KCNIP4: variants seen among roughly 807,000 people sequenced by gnomAD.
KCNIP4 encodes Kv channel-interacting protein 4.
Under a neutral mutation model 34.0 loss-of-function variants are expected in KCNIP4, and 12 were observed. That is an observed-to-expected ratio of 0.35 (90% CI 0.23 to 0.57). KCNIP4 has a LOEUF of 0.57. Among genes scored for constraint, KCNIP4 ranks in the 20% least tolerant of loss-of-function variants. The pLI is 0.83. For synonymous variants in KCNIP4, 124 were observed against 102.2 expected (o/e 1.21, Z -1.29); for missense variants, 238 against 311.7 (o/e 0.76, Z 1.78).
At chr4:20,998,349 G>A (rs1336926350) in intron 1 of KCNIP4, among the ~76,000 whole-genome samples, 1 of 152,198 alleles carries the variant, frequency 6.6e-6, no homozygotes, top group Non-Finnish European at 1.5e-5. Context: ...TTAGGCAAGT[G>A]TGTGTACAGG....
chr4:21,214,710 A>G (rs946081969), intron 1 of KCNIP4, among the ~76,000 whole-genome samples: 1 of 152,206 alleles, frequency 6.6e-6, no homozygotes, highest in African/African-American at 2.4e-5. Flanking sequence ...AGAGGTATAT[A>G]TGAAATTTAT....
chr4:21,417,394 A>G, intron 1 of KCNIP4, among the ~76,000 whole-genome samples: 1 of 151,896 alleles, frequency 6.6e-6, no homozygotes, highest in Middle Eastern at 3.2e-3. Flanking sequence ...AAAAAAAATA[A>G]AATAAAAAAT....
At chr4:21,070,905 G>A (rs147726163) in intron 1 of KCNIP4, among the ~76,000 whole-genome samples, 1 of 151,746 alleles carries the variant, frequency 6.6e-6, no homozygotes, top group Non-Finnish European at 1.5e-5. Flanking sequence ...TTGATCTCCT[G>A]ACCTCGTGAT....
chr4:21,487,092 T>C (rs1055073405), intron 1 of KCNIP4, among the ~76,000 whole-genome samples: 14 of 152,224 alleles, frequency 9.2e-5, no homozygotes, highest in African/African-American at 3.4e-4. Context: ...TGAGCCTCTG[T>C]GTCCAGCCCC....
At chr4:21,944,387 T>C (rs1410495873) in intron 1 of KCNIP4, among the ~76,000 whole-genome samples, 1 of 150,166 alleles carries the variant, frequency 6.7e-6, no homozygotes, top group Non-Finnish European at 1.5e-5. Flanking sequence ...CTACTAAAAA[T>C]ACAAAAAGAA....
At chr4:21,368,887 A>C (rs1720062552) in intron 1 of KCNIP4, among the ~76,000 whole-genome samples, 2 of 147,500 alleles carry the variant, frequency 1.4e-5, no homozygotes, top group South Asian at 2.1e-4. Flanking sequence ...ATAACAGGGC[A>C]AAATTTGGAA....
chr4:21,687,091 T>G lies in KCNIP4; in HGVS notation c.61+261480A>C, dbSNP rs532505564. The stretch of plus-strand genomic sequence containing the variant: ...AGAACAAAAAACCAAACACCGCATA[T>G]TCTCACTCATAGGTGGGAATTGAAC... On this transcript the variant is annotated intron_variant, in intron 1 of 8. Coordinates refer to ENST00000382152, the MANE Select transcript of KCNIP4 (RefSeq NM_025221.6). 2.1e-3 allele frequency among the ~76,000 whole-genome samples: 293 copies of G among 138,956 alleles called. 1 individual carries two copies. Among genetic ancestry groups the G allele is most frequent in the African/African-American group, 6.4e-3 (237 of 37,090 alleles). The allele number at this position is 138,956 out of a possible 152,430, so 91.2% of individuals were successfully genotyped here. A position where few individuals can be genotyped will look rare whatever the true frequency, so the allele number is the denominator to read the frequency against.
At chr4:21,264,720 T>C (rs1761687199) in intron 1 of KCNIP4, among the ~76,000 whole-genome samples, 1 of 152,072 alleles carries the variant, frequency 6.6e-6, no homozygotes, top group Non-Finnish European at 1.5e-5. Flanking sequence ...AAATGAAAGA[T>C]ATTATGGGGA....
chr4:21,085,975 G>A (rs890308686), intron 1 of KCNIP4, among the ~76,000 whole-genome samples: 2 of 152,288 alleles, frequency 1.3e-5, no homozygotes, highest in East Asian at 3.9e-4. Flanking sequence ...CTCCAGGCCA[G>A]GAGGCTGAAT....
intron 1 of KCNIP4, chr4:21,697,522 G>A: frequency 6.8e-7 from 1 of 1,468,284 alleles, no homozygotes; most frequent in Non-Finnish European, 8.9e-7. Flanking sequence ...GAGTCTCTGA[G>A]GAGAAACTTC....
intron 1 of KCNIP4, among the ~76,000 whole-genome samples, chr4:21,814,788 A>G (rs1309293164): frequency 6.6e-6 from 1 of 152,154 alleles, no homozygotes; most frequent in Non-Finnish European, 1.5e-5. Context: ...AGGGCAGGTA[A>G]TGTTTCCCCC....
chr4:21,224,277 T>C (rs1231013661), intron 1 of KCNIP4, among the ~76,000 whole-genome samples: 1 of 152,102 alleles, frequency 6.6e-6, no homozygotes, highest in African/African-American at 2.4e-5. Context: ...ATTCTGTGTC[T>C]GGTGAGGGCC....
At chr4:21,090,278 C>A (rs1267947979) in intron 1 of KCNIP4, among the ~76,000 whole-genome samples, 1 of 152,150 alleles carries the variant, frequency 6.6e-6, no homozygotes, top group East Asian at 1.9e-4. Context: ...CATGATGTGC[C>A]AGTGCCATAT....
At chr4:21,109,682 C>T (rs1161417489) in intron 1 of KCNIP4, among the ~76,000 whole-genome samples, 2 of 152,276 alleles carry the variant, frequency 1.3e-5, no homozygotes, top group South Asian at 2.1e-4. Flanking sequence ...AGAAATCACC[C>T]GTCTTCTGCA....
rs143071683 is a variant in KCNIP4 at position 20,740,775 on chromosome 4, C to T, written c.430-6040G>A. ...AAACGCACCAATTAAAAGACACAAA[C>T]TGGCAAATAGGATTGTCAAGATCCA... is the stretch of plus-strand genomic sequence containing the variant. On this transcript the variant is annotated intron_variant, in intron 5 of 8. Transcript: ENST00000382152. Among the ~76,000 whole-genome samples, 319 of 152,286 alleles carry T rather than the reference C, an allele frequency of 2.1e-3. 1 individual carries two copies. The highest frequency in any genetic ancestry group is 3.4e-3 in the Middle Eastern group (1 of 294).
chr4:21,648,747 G>A (rs892702373), intron 1 of KCNIP4, among the ~76,000 whole-genome samples: 1 of 152,016 alleles, frequency 6.6e-6, no homozygotes, highest in Middle Eastern at 3.2e-3. Flanking sequence ...ACTCTGAAGT[G>A]GCAAAGTAGG....
At chr4:21,695,206 C>A (rs1321120124) in intron 1 of KCNIP4, among the ~76,000 whole-genome samples, 3 of 152,058 alleles carry the variant, frequency 2.0e-5, no homozygotes, top group Non-Finnish European at 4.4e-5. Context: ...TATATTATCA[C>A]AGCATCTAGT....
intron 1 of KCNIP4, among the ~76,000 whole-genome samples, chr4:21,558,609 A>G (rs983989105): frequency 2.0e-5 from 3 of 152,172 alleles, no homozygotes; most frequent in African/African-American, 7.2e-5. Context: ...TAGTCTCATT[A>G]GAGAGTTCTG....
intron 1 of KCNIP4, among the ~76,000 whole-genome samples, chr4:21,903,321 T>C (rs1180959892): frequency 6.6e-6 from 1 of 152,118 alleles, no homozygotes; most frequent in Non-Finnish European, 1.5e-5. Context: ...GGAATAGGAA[T>C]GATAAATAAC....
Sources: allele counts gnomAD v4.1 joint callset (sites outside exome capture counted in the v4.1 genomes callset), GRCh38; gene constraint gnomAD v4.1.1; transcripts MANE v1.5; gene names NCBI Gene and HGNC (gene_info 2026-07-23, HGNC 2026-07-21).